SYNE1: variants seen among roughly 807,000 people sequenced by gnomAD.
The protein encoded by SYNE1 is spectrin repeat containing nuclear envelope protein 1.
In SYNE1, 616 loss-of-function variants were observed where a neutral mutation model predicts 1,111.0. That is an observed-to-expected ratio of 0.55 (90% CI 0.52 to 0.59). The LOEUF (loss-of-function observed/expected upper bound fraction) is 0.59, where lower values mean the gene tolerates loss of function less well. Ranked by LOEUF, SYNE1 falls within the 20% of genes least tolerant of loss-of-function variation. The probability of loss-of-function intolerance (pLI) is 0.00; values close to 1 mark genes in which losing one functional copy is unlikely to be tolerated. For synonymous variants in SYNE1, 3,855 were observed against 3,825.8 expected (o/e 1.01, Z -0.28); for missense variants, 10,006 against 10,417.0 (o/e 0.96, Z 1.72).
At position 152,404,244 on chromosome 6, in the gene SYNE1, G is replaced by A. The variant is rs2097862040; in HGVS notation, c.6794C>T (p.Thr2265Ile). The part of the protein sequence containing the change: ...HSKVNDLKEL[T>I]KNLETPPDLQ... ...GTCTGGCGGTGTTTCTAGATTTTTA[G>A]TTAATTCTTTCAGATCATTAACTTT... The change falls in exon 46 of 146, where the codon ACT becomes ATT. Residue 2265 changes from threonine (T) to isoleucine (I), a missense_variant. Physicochemically the swap from Thr to Ile is moderately conservative, Grantham distance 89. Transcript: ENST00000367255. The A allele has an allele frequency of 1.2e-6, 2 of 1,612,828 alleles. No individual in the cohort carries two copies. Among genetic ancestry groups the A allele is most frequent in the Non-Finnish European group, 8.5e-7 (1 of 1,179,670 alleles).
intron 3 of SYNE1, among the ~76,000 whole-genome samples, chr6:152,577,125 A>G (rs1323206863): frequency 1.3e-5 from 2 of 152,174 alleles, no homozygotes; most frequent in Non-Finnish European, 2.9e-5. Context: ...GTTCTTGACA[A>G]AGAATAAAAC....
rs1246610728 is a variant in SYNE1, at chr6:152,347,162, CCAAT to C, written c.11971_11974del (p.Ile3991AlafsTer68). The C allele has an allele frequency of 2.5e-6, 4 of 1,614,096 alleles. No individual in the cohort carries two copies. The highest frequency in any genetic ancestry group is 1.3e-5 in the African/African-American group (1 of 75,020). On this transcript the variant is annotated frameshift_variant, in exon 73 of 146. Coordinates refer to ENST00000367255, the MANE Select transcript of SYNE1 (RefSeq NM_182961.4). LOFTEE classifies it high-confidence loss of function. ...CGCTTGCAGGTGGTCTGCACATTGG[CCAAT>C]CAAAGTATCACCTTTCATTTGAAGA...
chr6:152,436,052 A>G lies in SYNE1; in HGVS notation c.4199T>C (p.Val1400Ala). The G allele has an allele frequency of 6.2e-7, 1 of 1,614,050 alleles. No homozygotes were observed. Among genetic ancestry groups the G allele is most frequent in the Non-Finnish European group, 8.5e-7 (1 of 1,179,998 alleles). The change falls in exon 33 of 146, where the codon GTA becomes GCA. Residue 1400 changes from valine (V) to alanine (A), a missense_variant. This residue lies in a region of SYNE1 where 1,971 missense variants were observed against 2,084.1 expected (regional missense o/e 0.95). Transcript: ENST00000367255. ...ESIAVQAENL[V>A]KEASEIPLGP... ...AAGCGGTATCTCTGAAGCTTCCTTT[A>G]CAAGGTTCTCAGCCTGGACTGCAAT... is the stretch of plus-strand genomic sequence containing the variant.
At chr6:152,292,274 C>T (rs1042441350) in intron 95 of SYNE1, among the ~76,000 whole-genome samples, 2 of 152,204 alleles carry the variant, frequency 1.3e-5, no homozygotes, top group Non-Finnish European at 2.9e-5. Flanking sequence ...AGCCCCTGAC[C>T]ATCCTCCTGA....
intron 58 of SYNE1, chr6:152,375,923 T>G (rs1487534730): frequency 6.4e-6 from 1 of 156,790 alleles, no homozygotes; most frequent in Admixed American, 6.2e-5. Context: ...AAATTTGAAT[T>G]TCTTACGCAA....
intron 55 of SYNE1, 78 bp downstream of exon 55, chr6:152,385,596 C>A (rs1215499522): frequency 2.6e-6 from 4 of 1,520,882 alleles, no homozygotes; most frequent in Admixed American, 1.7e-5. Context: ...ATAACAGAAT[C>A]TTATCTACAA....
At chr6:152,144,815 T>C (rs2059184253) in intron 137 of SYNE1, 1 of 154,600 alleles carries the variant, frequency 6.5e-6, no homozygotes, top group African/African-American at 2.4e-5. Flanking sequence ...ACTCCTGCAC[T>C]ACAGTTTGTC....
At chr6:152,302,261 A>G (rs2153814331) in intron 91 of SYNE1, 198 bp from the exon 92 acceptor site, 1 of 703,388 alleles carries the variant, frequency 1.4e-6, no homozygotes, top group South Asian at 1.7e-5. Context: ...GCGCAGGCAC[A>G]GCCAAAGTGC....
At chr6:152,374,659 A>C (rs1241832478) in intron 58 of SYNE1, among the ~76,000 whole-genome samples, 2 of 152,118 alleles carry the variant, frequency 1.3e-5, no homozygotes, top group African/African-American at 4.8e-5. Flanking sequence ...CTGTAATCCC[A>C]GATACTCAGG....
At chr6:152,462,673 TA>T (rs2098741350) in intron 20 of SYNE1, 64 bp downstream of exon 20, 1 of 1,601,444 alleles carries the variant, frequency 6.2e-7, no homozygotes. Context: ...ATGATCTGAA[TA>T]AACTTGCTGA....
At chr6:152,552,460 A>ATTATATAT (rs60016603) in intron 3 of SYNE1, among the ~76,000 whole-genome samples, 3,810 of 136,092 alleles carry the variant, frequency 0.028, 171 homozygotes, top group African/African-American at 0.094. Context: ...ACATATTTAT[A>ATTATATAT]TTATATATTT....
At chr6:152,275,170 C>G (rs948401379) in intron 98 of SYNE1, among the ~76,000 whole-genome samples, 6 of 152,078 alleles carry the variant, frequency 3.9e-5, no homozygotes, top group African/African-American at 1.4e-4. Context: ...GCCTCCCAAA[C>G]TGCTAAGATT....
At chr6:152,276,436 A>G (rs1278308908) in intron 98 of SYNE1, among the ~76,000 whole-genome samples, 1 of 151,820 alleles carries the variant, frequency 6.6e-6, no homozygotes, top group African/African-American at 2.4e-5. Flanking sequence ...AAATTTCTCC[A>G]TTGCTTCTAA....
At chr6:152,363,494 A>AAAATAAAT (rs2096983814) in intron 63 of SYNE1, among the ~76,000 whole-genome samples, 1 of 133,712 alleles carries the variant, frequency 7.5e-6, no homozygotes, top group South Asian at 2.4e-4. Context: ...ACTCCGTCTC[A>AAAATAAAT]AACTAAATAA....
chr6:152,259,153 C>A (rs1044420523), intron 101 of SYNE1, among the ~76,000 whole-genome samples: 1 of 152,084 alleles, frequency 6.6e-6, no homozygotes, highest in Non-Finnish European at 1.5e-5. Flanking sequence ...ATATCCTCCA[C>A]CCAGCATCCC....
intron 66 of SYNE1, among the ~76,000 whole-genome samples, chr6:152,355,355 A>G (rs2096818543): frequency 6.6e-6 from 1 of 152,232 alleles, no homozygotes; most frequent in African/African-American, 2.4e-5. Flanking sequence ...TTGCTTTGAC[A>G]TTGAATAGCT....
intron 38 of SYNE1, among the ~76,000 whole-genome samples, chr6:152,426,706 G>A (rs2098362556): frequency 6.6e-6 from 1 of 152,236 alleles, no homozygotes; most frequent in Non-Finnish European, 1.5e-5. Flanking sequence ...TGCCCTTTAT[G>A]GTCAGGGCGG....
intron 91 of SYNE1, among the ~76,000 whole-genome samples, chr6:152,306,352 G>T (rs1355338267): frequency 6.6e-6 from 1 of 151,894 alleles, no homozygotes; most frequent in Non-Finnish European, 1.5e-5. Flanking sequence ...AGGGCATGGT[G>T]ATGTGCGCCT....
intron 8 of SYNE1, among the ~76,000 whole-genome samples, chr6:152,508,250 G>T (rs558873604): frequency 9.2e-5 from 14 of 152,244 alleles, no homozygotes; most frequent in African/African-American, 2.9e-4. Flanking sequence ...AAAAGTCATC[G>T]CCCCAAACCT....
Sources: allele counts gnomAD v4.1 joint callset (sites outside exome capture counted in the v4.1 genomes callset), GRCh38; gene constraint gnomAD v4.1.1; regional missense constraint gnomAD v4.1.1; transcripts MANE v1.5; gene names NCBI Gene and HGNC (gene_info 2026-07-23, HGNC 2026-07-21).